The following SH3GL3 variants were observed in gnomAD, a reference collection of about 807,000 sequenced individuals.
SH3GL3 encodes endophilin-A3.
In SH3GL3, 33 loss-of-function variants were observed where a neutral mutation model predicts 47.7. That is an observed-to-expected ratio of 0.69 (90% CI 0.52 to 0.92). The LOEUF is 0.92. SH3GL3 is among the 40% of genes least tolerant of loss of function. The probability of loss-of-function intolerance (pLI) is 0.00; values close to 1 mark genes in which losing one functional copy is unlikely to be tolerated. For synonymous variants in SH3GL3, 155 were observed against 148.8 expected, an observed-to-expected ratio of 1.04 and a Z score of -0.30; for missense variants, 363 against 417.8, an observed-to-expected ratio of 0.87 and a Z score of 1.14.
chr15:83,576,114 G>A (rs141110440), intron 5 of SH3GL3, among the ~76,000 whole-genome samples: 19 of 152,180 alleles, frequency 1.2e-4, no homozygotes, highest in African/African-American at 3.9e-4. Context: ...GGAACTTTAC[G>A]GAGATCCGTT....
intron 1 of SH3GL3, among the ~76,000 whole-genome samples, chr15:83,552,863 T>G (rs1202196479): frequency 2.0e-5 from 3 of 152,250 alleles, no homozygotes; most frequent in Non-Finnish European, 2.9e-5. Flanking sequence ...TTATATTTTT[T>G]GGAGGTTATA....
At chr15:83,595,805 T>A (rs2060223344) in intron 8 of SH3GL3, among the ~76,000 whole-genome samples, 1 of 152,208 alleles carries the variant, frequency 6.6e-6, no homozygotes, top group Non-Finnish European at 1.5e-5. Flanking sequence ...ATTCTGTTAT[T>A]ATCCTTTTAA....
chr15:83,462,824 G>C (rs1437463753), intron 1 of SH3GL3, among the ~76,000 whole-genome samples: 1 of 152,152 alleles, frequency 6.6e-6, no homozygotes, highest in Non-Finnish European at 1.5e-5. Context: ...TCTCCTTATG[G>C]CCTTCTTGTT....
At chr15:83,472,194 C>G (rs1276173485) in intron 1 of SH3GL3, among the ~76,000 whole-genome samples, 1 of 152,168 alleles carries the variant, frequency 6.6e-6, no homozygotes, top group Non-Finnish European at 1.5e-5. Flanking sequence ...GGATTTCTTG[C>G]TTTATCCTGT....
chr15:83,579,844 T>A (rs2059787099), intron 6 of SH3GL3, among the ~76,000 whole-genome samples: 1 of 152,204 alleles, frequency 6.6e-6, no homozygotes, highest in Non-Finnish European at 1.5e-5. Context: ...CTGATCCTTT[T>A]CCATGTCAGT....
At chr15:83,567,644 A>C (rs1022610574) in intron 3 of SH3GL3, among the ~76,000 whole-genome samples, 1 of 152,154 alleles carries the variant, frequency 6.6e-6, no homozygotes, top group African/African-American at 2.4e-5. Flanking sequence ...CCTAAACAGC[A>C]GCACCTGCCT....
intron 6 of SH3GL3, among the ~76,000 whole-genome samples, chr15:83,580,931 A>G (rs2059813363): frequency 6.6e-6 from 1 of 152,246 alleles, no homozygotes; most frequent in Non-Finnish European, 1.5e-5. Context: ...CATTCGCTCC[A>G]AAGAGAAAGT....
intron 1 of SH3GL3, among the ~76,000 whole-genome samples, chr15:83,507,848 T>G (rs1290267768): frequency 6.6e-6 from 1 of 152,246 alleles, no homozygotes; most frequent in Non-Finnish European, 1.5e-5. Flanking sequence ...ATGAGTATAT[T>G]ATACGGTAAC....
At chr15:83,487,857 ATTTTCTTTTCT>A (rs934479877) in intron 1 of SH3GL3, among the ~76,000 whole-genome samples, 18 of 141,132 alleles carry the variant, frequency 1.3e-4, no homozygotes, top group East Asian at 2.1e-4. Context: ...TCTTTTTTTA[ATTTTCTTTTCT>A]TTTTCTTTTC....
rs1198738768 is a variant in SH3GL3 at position 83,534,322 on chromosome 15, T to C, written c.46-24931T>C. Among the ~76,000 whole-genome samples the C allele has an allele frequency of 1.3e-5, 2 of 152,216 alleles. 1 individual carries two copies. Among genetic ancestry groups the C allele is most frequent in the Non-Finnish European group, 2.9e-5 (2 of 68,038 alleles). On this transcript the variant is annotated intron_variant, in intron 1 of 8. Coordinates refer to ENST00000427482, the MANE Select transcript of SH3GL3 (RefSeq NM_003027.5). Reference sequence around the variant, plus strand: ...ATAAATTACCCAATTGCTGGTATTCTGTTATAGCAGCAGAAAATGGGTCAA... The same window carrying C: ...ATAAATTACCCAATTGCTGGTATTCCGTTATAGCAGCAGAAAATGGGTCAA...
chr15:83,581,122 G>T (rs1348071535), intron 6 of SH3GL3, among the ~76,000 whole-genome samples: 1 of 152,204 alleles, frequency 6.6e-6, no homozygotes, highest in East Asian at 1.9e-4. Context: ...CGCAATAAAA[G>T]CTTCACCGGG....
chr15:83,579,449 G>A (rs956390944), intron 6 of SH3GL3, among the ~76,000 whole-genome samples: 2 of 152,212 alleles, frequency 1.3e-5, no homozygotes, highest in African/African-American at 4.8e-5. Flanking sequence ...GGAGACCAAC[G>A]TTATGAAACG....
At chr15:83,597,010 AT>A (rs1235450849) in intron 8 of SH3GL3, among the ~76,000 whole-genome samples, 2 of 152,020 alleles carry the variant, frequency 1.3e-5, no homozygotes, top group Non-Finnish European at 2.9e-5. Context: ...TCTTACTCCA[AT>A]TGTATTAGTT....
intron 1 of SH3GL3, among the ~76,000 whole-genome samples, chr15:83,506,498 C>G (rs2042510282): frequency 6.6e-6 from 1 of 152,172 alleles, no homozygotes; most frequent in African/African-American, 2.4e-5. Flanking sequence ...ATAGGGCCTG[C>G]TCCTGCACGT....
chr15:83,581,304 C>T (rs1451515178), intron 6 of SH3GL3, among the ~76,000 whole-genome samples: 1 of 152,218 alleles, frequency 6.6e-6, no homozygotes, highest in Non-Finnish European at 1.5e-5. Context: ...ACTGTCCTCA[C>T]CTCTGCATTC....
At position 83,618,352 on chromosome 15, in the gene SH3GL3, G is replaced by A. The variant is rs2060883669; in HGVS notation, c.*65G>A. ...ATGAATTCACACCAGTGTGCTCTCAGTGCGGTGTTCTGTGACATCCTTTGC... is the reference window on the plus strand; with the variant it reads ...ATGAATTCACACCAGTGTGCTCTCAATGCGGTGTTCTGTGACATCCTTTGC... On this transcript the variant is annotated 3_prime_UTR_variant, in exon 9 of 9. Transcript: ENST00000427482. 9.8e-7 allele frequency: 1 copy of A among 1,024,926 alleles called. No individual in the cohort carries two copies. The highest frequency in any genetic ancestry group is 1.5e-6 in the Non-Finnish European group (1 of 646,548). 63.5% of individuals were successfully genotyped at this position (1,024,926 alleles called of 1,614,324 possible). A position where few individuals can be genotyped will look rare whatever the true frequency, so the allele number is the denominator to read the frequency against.
intron 1 of SH3GL3, among the ~76,000 whole-genome samples, chr15:83,552,947 AT>A (rs1450695328): frequency 1.3e-5 from 2 of 152,162 alleles, no homozygotes; most frequent in Non-Finnish European, 2.9e-5. Context: ...TTGAGTCTCT[AT>A]TCCTATTAAT....
chr15:83,565,207 G>A lies in SH3GL3; in HGVS notation c.187+1G>A, dbSNP rs746705173. 3 of 1,539,872 alleles carry A rather than the reference G, an allele frequency of 1.9e-6. No individual in the cohort carries two copies. The highest frequency in any genetic ancestry group is 2.7e-6 in the Non-Finnish European group (3 of 1,115,134). ...ACTGAATATCTTCAGCCAAATCCAG[G>A]TAAAGTTGAAATATTCTCTTGTTCA... On this transcript the variant is annotated splice_donor_variant, in intron 3 of 8. Coordinates refer to ENST00000427482, the MANE Select transcript of SH3GL3 (RefSeq NM_003027.5). LOFTEE classifies it high-confidence loss of function.
At chr15:83,577,954 GC>G (rs1267067626) in intron 6 of SH3GL3, among the ~76,000 whole-genome samples, 4 of 152,184 alleles carry the variant, frequency 2.6e-5, no homozygotes, top group African/African-American at 9.7e-5. Context: ...GCTCTCTGGT[GC>G]CTTTACCTGT....
Sources: gnomAD v4.1 joint callset for allele counts (sites outside exome capture counted in the v4.1 genomes callset) on GRCh38, gnomAD v4.1.1 for gene constraint, MANE v1.5 for transcripts, NCBI Gene and HGNC (gene_info 2026-07-23, HGNC 2026-07-21) for gene names.